PGBD2: variants seen among roughly 807,000 people sequenced by gnomAD.
PGBD2 encodes the protein piggyBac transposable element derived 2.
Under a neutral mutation model 8.1 loss-of-function variants are expected in PGBD2, and 6 were observed. That is an observed-to-expected ratio of 0.74 (90% CI 0.40 to 1.46). The LOEUF is 1.46. Ranked by LOEUF, PGBD2 falls within the 40% of genes most tolerant of loss-of-function variation. The pLI, the probability that PGBD2 is intolerant of heterozygous loss-of-function variation, is 0.02. For synonymous variants in PGBD2, 318 were observed against 272.2 expected, an observed-to-expected ratio of 1.17 and a Z score of -1.66; for missense variants, 802 against 739.0, an observed-to-expected ratio of 1.09 and a Z score of -0.99.
the PGBD2 span, among the ~76,000 whole-genome samples, chr1:248,890,707 C>G: frequency 2.0e-5 from 3 of 151,764 alleles, no homozygotes; most frequent in Non-Finnish European, 4.4e-5. Flanking sequence ...GACCCCCACA[C>G]ACACCCACAC....
the PGBD2 span, among the ~76,000 whole-genome samples, chr1:248,895,830 G>C: frequency 6.6e-6 from 1 of 151,894 alleles, no homozygotes; most frequent in Non-Finnish European, 1.5e-5. Flanking sequence ...TGGGACTACA[G>C]GCACGTGCCA....
chr1:248,874,245 T>C, the PGBD2 span, among the ~76,000 whole-genome samples: 827 of 152,288 alleles, frequency 5.4e-3, 5 homozygotes, highest in African/African-American at 0.019. Context: ...ACGCATCATG[T>C]CTTCCCTGGT....
the PGBD2 span, among the ~76,000 whole-genome samples, chr1:248,893,310 C>T: frequency 6.6e-6 from 1 of 152,202 alleles, no homozygotes; most frequent in African/African-American, 2.4e-5. Context: ...CTATGTTGTA[C>T]AGCAGTTCTT....
Position 248,918,411 on chromosome 1 carries a change from A to C in PGBD2, c.*48A>C. ...GTTTATAATGAGATGTTTACAGTTA[A>C]ATACAGATGGCAGTTGAGCACTTCT... On this transcript the variant is annotated 3_prime_UTR_variant, in exon 3 of 3. Coordinates refer to ENST00000329291, the MANE Select transcript of PGBD2 (RefSeq NM_170725.3). 2 of 1,496,870 alleles carry C rather than the reference A, an allele frequency of 1.3e-6. No homozygotes were observed. Among genetic ancestry groups the C allele is most frequent in the East Asian group, 2.3e-5 (1 of 43,564 alleles). The allele number at this position is 1,496,870 out of a possible 1,614,324, so 92.7% of individuals were successfully genotyped here. A position where few individuals can be genotyped will look rare whatever the true frequency, so the allele number is the denominator to read the frequency against.
At chr1:248,874,937 GATAGA>G in the PGBD2 span, among the ~76,000 whole-genome samples, 2 of 150,852 alleles carry the variant, frequency 1.3e-5, no homozygotes, top group African/African-American at 5.0e-5. Context: ...TAGATAGATA[GATAGA>G]TAGATAGATA....
At chr1:248,874,961 A>G in the PGBD2 span, among the ~76,000 whole-genome samples, 55 of 143,204 alleles carry the variant, frequency 3.8e-4, no homozygotes, top group African/African-American at 1.5e-3. Flanking sequence ...TAGATAGACA[A>G]ATAGATAGAG....
At chr1:248,873,427 C>A in the PGBD2 span, among the ~76,000 whole-genome samples, 1 of 152,184 alleles carries the variant, frequency 6.6e-6, no homozygotes, top group Non-Finnish European at 1.5e-5. Context: ...AGCAGAAAGC[C>A]GCTATAATAA....
the PGBD2 span, among the ~76,000 whole-genome samples, chr1:248,886,420 A>T: frequency 6.6e-6 from 1 of 152,234 alleles, no homozygotes; most frequent in Non-Finnish European, 1.5e-5. Context: ...CAAGAGATTA[A>T]TTACTTTCAG....
chr1:248,916,463 A>G, intron 2 of PGBD2, 139 bp from the exon 3 acceptor site: 1 of 681,644 alleles, frequency 1.5e-6, no homozygotes, highest in Admixed American at 3.1e-5. Context: ...TTTACTTACT[A>G]AATGCGGTGC....
At chr1:248,899,015 A>G in the PGBD2 span, among the ~76,000 whole-genome samples, 1 of 152,240 alleles carries the variant, frequency 6.6e-6, no homozygotes, top group Non-Finnish European at 1.5e-5. Flanking sequence ...GAAGGGCATT[A>G]CATAATGGTA....
the PGBD2 span, among the ~76,000 whole-genome samples, chr1:248,883,525 T>G: frequency 6.6e-6 from 1 of 151,892 alleles, no homozygotes; most frequent in South Asian, 2.1e-4. Flanking sequence ...AGATGTATAG[T>G]TTGTGAAAAT....
At chr1:248,923,190 G>T (rs1401752057), downstream of PGBD2, among the ~76,000 whole-genome samples, 2 of 152,144 alleles carry the variant, frequency 1.3e-5, no homozygotes, top group Non-Finnish European at 2.9e-5. Flanking sequence ...ACTTGGGAGG[G>T]TGTATGTGTC....
chr1:248,913,950 A>G (rs768879087), intron 2 of PGBD2, 71 bp downstream of exon 2: 15 of 1,337,974 alleles, frequency 1.1e-5, no homozygotes, highest in Non-Finnish European at 1.6e-5. Context: ...GGCCAGGTCC[A>G]TGACATTTTT....
chr1:248,876,604 T>C, the PGBD2 span, among the ~76,000 whole-genome samples: 1 of 152,228 alleles, frequency 6.6e-6, no homozygotes, highest in Non-Finnish European at 1.5e-5. Context: ...AAATAGGCAG[T>C]TGAGCTGACC....
the PGBD2 span, among the ~76,000 whole-genome samples, chr1:248,880,881 A>G: frequency 2.0e-5 from 3 of 152,064 alleles, no homozygotes; most frequent in Non-Finnish European, 2.9e-5. Flanking sequence ...ATAATCTTAA[A>G]TGTGTTATTA....
chr1:248,919,429 G>A (rs141045262), downstream of PGBD2: 857 of 166,672 alleles, frequency 5.1e-3, 6 homozygotes, highest in Middle Eastern at 0.017. Context: ...TCATTTTTTT[G>A]TGGCTAAATA....
At chr1:248,921,755 TC>T (rs1662291579), downstream of PGBD2, among the ~76,000 whole-genome samples, 3 of 152,252 alleles carry the variant, frequency 2.0e-5, no homozygotes, top group Admixed American at 1.3e-4. Context: ...TATTGATTCT[TC>T]CTATCCATGA....
At chr1:248,919,499 A>C, downstream of PGBD2, 2 of 167,142 alleles carry the variant, frequency 1.2e-5, no homozygotes. Context: ...GTTGATGGAC[A>C]CTTAGGTTGC....
chr1:248,874,025 A>AT, the PGBD2 span, among the ~76,000 whole-genome samples: 2 of 152,182 alleles, frequency 1.3e-5, no homozygotes, highest in Middle Eastern at 3.4e-3. Context: ...GTCCGTTGGT[A>AT]TTTTATTGTC....
Sources: gnomAD v4.1 joint callset for allele counts (sites outside exome capture counted in the v4.1 genomes callset) on GRCh38, gnomAD v4.1.1 for gene constraint, MANE v1.5 for transcripts, NCBI Gene and HGNC (gene_info 2026-07-23, HGNC 2026-07-21) for gene names.